Variants in WASF3 observed in about 807,000 individuals in gnomAD.
WASF3 encodes the protein WASP family member 3, also known as actin-binding protein WASF3.
Under a neutral mutation model 46.6 loss-of-function variants are expected in WASF3, and 11 were observed. The observed-to-expected ratio is 0.24, with a 90% CI of 0.15 to 0.39. The LOEUF (loss-of-function observed/expected upper bound fraction) is 0.39. Ranked by LOEUF, WASF3 falls within the 10% of genes least tolerant of loss-of-function variation. The pLI, the probability that WASF3 is intolerant of heterozygous loss-of-function variation, is 1.00. For synonymous variants in WASF3, 242 were observed against 259.7 expected, an observed-to-expected ratio of 0.93 and a Z score of 0.65; for missense variants, 576 against 669.8, an observed-to-expected ratio of 0.86 and a Z score of 1.55.
Position 26,682,825 on chromosome 13 carries a change from C to T in WASF3, c.1202C>T (p.Pro401Leu), listed in dbSNP as rs1206781196. 12 of 1,610,640 alleles carry T rather than the reference C, an allele frequency of 7.5e-6. No homozygotes were observed. Among genetic ancestry groups the T allele is most frequent in the Non-Finnish European group, 1.0e-5 (12 of 1,179,802 alleles). The change falls in exon 9 of 10, where the codon CCA becomes CTA. Residue 401 changes from proline (P) to leucine (L), a missense_variant. Physicochemically the swap from Pro to Leu is moderately conservative, Grantham distance 98. Transcript: ENST00000335327. The surrounding 1 kb of genome is among the most constrained non-coding windows in gnomAD (Gnocchi z 4.4). Reference sequence around the variant, plus strand: ...ACAGCCCCGCCACCCCCGGGCCCACCACCTCCCCCGCCAGGCCCTCCTGGT... The same window carrying T: ...ACAGCCCCGCCACCCCCGGGCCCACTACCTCCCCCGCCAGGCCCTCCTGGT... ...LVTAPPPPGPPPPPPGPPGPG... is the reference protein window; with the variant it reads ...LVTAPPPPGPLPPPPGPPGPG...
intron 4 of WASF3, 130 bp downstream of exon 4, chr13:26,665,292 T>C (rs1882738408): frequency 1.4e-5 from 16 of 1,152,964 alleles, no homozygotes; most frequent in Non-Finnish European, 1.9e-5. Flanking sequence ...CCTAGAAGAA[T>C]AGCGAGGGGG....
Position 26,682,546 on chromosome 13 carries a change from G to T in WASF3, c.984-61G>T. 1.9e-6 allele frequency: 3 copies of T among 1,604,408 alleles called. No homozygotes were observed. Among genetic ancestry groups the T allele is most frequent in the South Asian group, 2.2e-5 (2 of 90,070 alleles). On this transcript the variant is annotated intron_variant, in intron 8 of 9. Coordinates refer to ENST00000335327, the MANE Select transcript of WASF3 (RefSeq NM_006646.6). This position sits in a 1 kb window ranked among gnomAD's most constrained non-coding sequence, Gnocchi z 4.4. ...GGATGGCTCCGTTAGGTGTCTAAGA[G>T]CTCCCAGGACGTGACCCTCTCTTGT...
chr13:26,570,499 TTTC>T (rs1436831468), intron 1 of WASF3, among the ~76,000 whole-genome samples: 1 of 152,178 alleles, frequency 6.6e-6, no homozygotes, highest in Non-Finnish European at 1.5e-5. Context: ...ACATGTATGT[TTTC>T]TTATTTACCT....
intron 1 of WASF3, among the ~76,000 whole-genome samples, chr13:26,559,793 T>TTTTCC (rs1566034525): frequency 2.1e-5 from 1 of 48,414 alleles, no homozygotes; most frequent in Non-Finnish European, 4.2e-5. Flanking sequence ...TTTTCTTTTC[T>TTTTCC]TTCTTTCTTT....
chr13:26,539,326 A>G, the WASF3 span, among the ~76,000 whole-genome samples: 1 of 152,210 alleles, frequency 6.6e-6, no homozygotes, highest in Non-Finnish European at 1.5e-5. Flanking sequence ...ATGGACCCTC[A>G]TGCAGGATCC....
At chr13:26,541,077 C>A in the WASF3 span, among the ~76,000 whole-genome samples, 1 of 152,128 alleles carries the variant, frequency 6.6e-6, no homozygotes, top group African/African-American at 2.4e-5. Flanking sequence ...AATTATTCCA[C>A]AGTAAATAAG....
intron 1 of WASF3, among the ~76,000 whole-genome samples, chr13:26,560,626 G>A (rs2137136549): frequency 6.6e-6 from 1 of 152,360 alleles, no homozygotes. Context: ...AGCAATTACA[G>A]TGCAGTGTGA....
intron 6 of WASF3, among the ~76,000 whole-genome samples, chr13:26,676,134 T>C (rs9551306): frequency 1.3e-5 from 2 of 152,228 alleles, no homozygotes; most frequent in African/African-American, 4.8e-5. Flanking sequence ...TTATTTTCTT[T>C]GAAAGATAAT....
chr13:26,608,335 A>G (rs558040700), intron 1 of WASF3, among the ~76,000 whole-genome samples: 23 of 152,278 alleles, frequency 1.5e-4, no homozygotes, highest in African/African-American at 5.1e-4. Context: ...AAGTACTCAA[A>G]ACTCAGAGAA....
At position 26,679,627 on chromosome 13, in the gene WASF3, C is replaced by G. The variant is rs1433171287; in HGVS notation, c.717-1427C>G. On this transcript the variant is annotated intron_variant, in intron 7 of 9. Coordinates refer to ENST00000335327, the MANE Select transcript of WASF3 (RefSeq NM_006646.6). This position sits in a 1 kb window ranked among gnomAD's most constrained non-coding sequence, Gnocchi z 4.8. ...GCACTGTAAGCCAGTGACTCGTAGT[C>G]ATGCGCAGAGTCAAGCACACATCAT... Among the ~76,000 whole-genome samples the G allele has an allele frequency of 6.6e-6, 1 of 152,206 alleles. No individual in the cohort carries two copies. The highest frequency in any genetic ancestry group is 2.4e-5 in the African/African-American group (1 of 41,452).
At chr13:26,552,565 T>C in the WASF3 span, among the ~76,000 whole-genome samples, 16 of 152,238 alleles carry the variant, frequency 1.1e-4, no homozygotes, top group African/African-American at 3.6e-4. Flanking sequence ...AAGATTTATA[T>C]ATGGAGCTAA....
chr13:26,575,069 C>A (rs949980373), intron 1 of WASF3, among the ~76,000 whole-genome samples: 1 of 152,124 alleles, frequency 6.6e-6, no homozygotes, highest in African/African-American at 2.4e-5. Context: ...ATCTCCTGAC[C>A]TTGTGATCCG....
chr13:26,548,884 G>A, the WASF3 span, among the ~76,000 whole-genome samples: 1 of 151,844 alleles, frequency 6.6e-6, no homozygotes, highest in Admixed American at 6.6e-5. Context: ...GCTTCTACTT[G>A]ATTAGATGTA....
At chr13:26,593,177 A>G (rs933537793) in intron 1 of WASF3, among the ~76,000 whole-genome samples, 27 of 152,214 alleles carry the variant, frequency 1.8e-4, no homozygotes, top group African/African-American at 6.3e-4. Flanking sequence ...ATATCATCTT[A>G]GCTTGTTTAT....
At chr13:26,611,813 G>A (rs923221393) in intron 1 of WASF3, among the ~76,000 whole-genome samples, 5 of 151,682 alleles carry the variant, frequency 3.3e-5, no homozygotes, top group Non-Finnish European at 5.9e-5. Flanking sequence ...GTATAAAATG[G>A]AGTATCGCTG....
At chr13:26,555,852 T>C (rs930486467), upstream of WASF3, among the ~76,000 whole-genome samples, 1 of 152,266 alleles carries the variant, frequency 6.6e-6, no homozygotes, top group South Asian at 2.1e-4. Flanking sequence ...ATTCACTCCC[T>C]GATGCAGCAA....
intron 1 of WASF3, among the ~76,000 whole-genome samples, chr13:26,590,805 C>T (rs757266013): frequency 1.3e-5 from 2 of 152,112 alleles, no homozygotes; most frequent in Admixed American, 1.3e-4. Flanking sequence ...CAAAAAAATC[C>T]CTGCCCTCAC....
intron 2 of WASF3, among the ~76,000 whole-genome samples, chr13:26,613,565 C>A: frequency 6.6e-6 from 1 of 152,048 alleles, no homozygotes; most frequent in East Asian, 1.9e-4. Flanking sequence ...GTCAGGAGAT[C>A]GCGACCATCC....
At chr13:26,609,883 T>C (rs1366614024) in intron 1 of WASF3, among the ~76,000 whole-genome samples, 1 of 152,232 alleles carries the variant, frequency 6.6e-6, no homozygotes, top group Non-Finnish European at 1.5e-5. Flanking sequence ...TCAGTACAAC[T>C]ATCTCAAGCC....
Sources: allele counts gnomAD v4.1 joint callset (sites outside exome capture counted in the v4.1 genomes callset), GRCh38; gene constraint gnomAD v4.1.1; non-coding constraint Gnocchi (gnomAD v3.1); transcripts MANE v1.5; gene names NCBI Gene and HGNC (gene_info 2026-07-23, HGNC 2026-07-21).